RAB11FIP2: variants seen among roughly 807,000 people sequenced by gnomAD.
The protein encoded by RAB11FIP2 is rab11 family-interacting protein 2.
Under a neutral mutation model 40.9 loss-of-function variants are expected in RAB11FIP2, and 16 were observed. The observed-to-expected ratio is 0.39, with a 90% CI of 0.26 to 0.59. The LOEUF is 0.59. RAB11FIP2 is among the 20% of genes least tolerant of loss of function. RAB11FIP2 has a pLI of 0.53. For synonymous variants in RAB11FIP2, 228 were observed against 213.7 expected (o/e 1.07, Z -0.58); for missense variants, 532 against 606.2 (o/e 0.88, Z 1.28).
At chr10:118,026,320 T>C (rs944678379) in intron 3 of RAB11FIP2, among the ~76,000 whole-genome samples, 2 of 152,192 alleles carry the variant, frequency 1.3e-5, no homozygotes, top group African/African-American at 4.8e-5. Flanking sequence ...TGAAGAATAT[T>C]TATTTTTTAA....
intron 3 of RAB11FIP2, among the ~76,000 whole-genome samples, chr10:118,024,753 C>T (rs572146555): frequency 1.2e-4 from 18 of 152,182 alleles, no homozygotes; most frequent in African/African-American, 2.2e-4. Context: ...AAAAGACAGA[C>T]GGCCCACAAC....
chr10:118,018,345 C>T (rs911843826), intron 3 of RAB11FIP2: 1 of 152,242 alleles, frequency 6.6e-6, no homozygotes, highest in African/African-American at 2.4e-5. Flanking sequence ...GGACTGCCGT[C>T]CTCATGTCAG....
chr10:118,024,560 G>A (rs553762607), intron 3 of RAB11FIP2, among the ~76,000 whole-genome samples: 20 of 150,864 alleles, frequency 1.3e-4, no homozygotes, highest in African/African-American at 4.9e-4. Context: ...CAGGAGTGAT[G>A]ACAGCAAGGC....
In RAB11FIP2 at chr10:118,022,834, T is replaced by C. The variant is rs572626092; in HGVS notation, c.1266-7724A>G. On this transcript the variant is annotated intron_variant, in intron 3 of 4. Transcript: ENST00000355624. ...GCTGAATACATTAATAACCAGTACT[T>C]AATAAAAATGTGTAAAAACCGGGGT... Among the ~76,000 whole-genome samples the C allele has an allele frequency of 5.3e-5, 8 of 152,250 alleles. No individual in the cohort carries two copies. In the East Asian group the frequency reaches 1.5e-3, roughly 29 times the overall value.
chr10:118,016,719 T>G (rs1241102181), intron 3 of RAB11FIP2, among the ~76,000 whole-genome samples: 1 of 152,272 alleles, frequency 6.6e-6, no homozygotes, highest in East Asian at 1.9e-4. Context: ...ACAAGGTGCT[T>G]GCAAGCAGAG....
chr10:118,044,202 T>C (rs1846597851), intron 1 of RAB11FIP2, among the ~76,000 whole-genome samples: 1 of 152,224 alleles, frequency 6.6e-6, no homozygotes, highest in Non-Finnish European at 1.5e-5. Context: ...TATTTCATCC[T>C]CAGACTCCTT....
intron 3 of RAB11FIP2, among the ~76,000 whole-genome samples, chr10:118,020,131 T>C (rs755229904): frequency 6.6e-6 from 1 of 152,088 alleles, no homozygotes; most frequent in Non-Finnish European, 1.5e-5. Flanking sequence ...ACAGAGATGG[T>C]AAGGTGCAAG....
intron 4 of RAB11FIP2, 29 bp downstream of exon 4, chr10:118,015,036 A>G: frequency 1.3e-6 from 2 of 1,569,758 alleles, no homozygotes; most frequent in East Asian, 2.3e-5. Context: ...TTACTCTTTG[A>G]CAACCCTCTA....
At chr10:118,045,200 T>C (rs1846611863) in intron 1 of RAB11FIP2, 1 of 152,332 alleles carries the variant, frequency 6.6e-6, no homozygotes, top group Non-Finnish European at 1.5e-5. Context: ...TAATTGCAAA[T>C]TCAAAGGAAA....
In RAB11FIP2 at chr10:118,046,263, C is replaced by A. The variant is rs181171878; in HGVS notation, c.-100G>T. 1 of 1,053,038 alleles carries A rather than the reference C, an allele frequency of 9.5e-7. No homozygotes were observed. Among genetic ancestry groups the A allele is most frequent in the African/African-American group, 1.6e-5 (1 of 62,910 alleles). The allele number at this position is 1,053,038 out of a possible 1,614,324, so 65.2% of individuals were successfully genotyped here. On this transcript the variant is annotated 5_prime_UTR_variant, in exon 1 of 5. Coordinates refer to ENST00000355624, the MANE Select transcript of RAB11FIP2 (RefSeq NM_014904.3). ...ATCACTGCATCCTAAGGACACTTAA[C>A]GGAAACAGGCAGGCTCAGGGCTCCC...
At chr10:118,031,400 A>C (rs1363237410) in intron 3 of RAB11FIP2, among the ~76,000 whole-genome samples, 2 of 152,196 alleles carry the variant, frequency 1.3e-5, no homozygotes, top group Non-Finnish European at 2.9e-5. Context: ...AACATGTTAC[A>C]CAATTTCATA....
At chr10:118,010,108 G>C (rs1262735944) in intron 4 of RAB11FIP2, among the ~76,000 whole-genome samples, 2 of 152,058 alleles carry the variant, frequency 1.3e-5, no homozygotes, top group Non-Finnish European at 2.9e-5. Flanking sequence ...AAAAGTGAAA[G>C]AAAAATATTT....
chr10:118,024,312 T>C (rs1008472559), intron 3 of RAB11FIP2, among the ~76,000 whole-genome samples: 5 of 152,236 alleles, frequency 3.3e-5, no homozygotes, highest in East Asian at 1.9e-4. Context: ...AATTTTTGCA[T>C]TTTACTAATA....
chr10:118,043,414 G>T (rs1033731810), intron 1 of RAB11FIP2: 2 of 151,908 alleles, frequency 1.3e-5, no homozygotes, highest in African/African-American at 4.8e-5. Context: ...ACTAAACATT[G>T]TATTATTTCT....
chr10:118,038,923 A>C, intron 3 of RAB11FIP2, 49 bp downstream of exon 3: 1 of 1,239,412 alleles, frequency 8.1e-7, no homozygotes, highest in Non-Finnish European at 1.1e-6. Flanking sequence ...TGATACCTTC[A>C]AGTACAAGAT....
At chr10:118,029,231 C>A (rs939969858) in intron 3 of RAB11FIP2, among the ~76,000 whole-genome samples, 1 of 152,014 alleles carries the variant, frequency 6.6e-6, no homozygotes, top group African/African-American at 2.4e-5. Context: ...CCAATACCCC[C>A]CTACCCAAAA....
At chr10:118,013,822 T>C (rs551942463) in intron 4 of RAB11FIP2, among the ~76,000 whole-genome samples, 10 of 152,214 alleles carry the variant, frequency 6.6e-5, no homozygotes, top group Middle Eastern at 3.4e-3. Context: ...AATTACAAGA[T>C]TTGGAAAAGT....
intron 3 of RAB11FIP2, 195 bp downstream of exon 3, chr10:118,038,777 C>T: frequency 2.0e-6 from 1 of 503,990 alleles, no homozygotes; most frequent in Non-Finnish European, 3.4e-6. Context: ...AGTCTTTTAT[C>T]TTCTTAAGAT....
chr10:118,009,724 A>G (rs1420463366), intron 4 of RAB11FIP2, among the ~76,000 whole-genome samples: 4 of 152,108 alleles, frequency 2.6e-5, no homozygotes, highest in Non-Finnish European at 5.9e-5. Context: ...ATTTGCTATG[A>G]AAATGGAAGC....
Sources: gnomAD v4.1 joint callset for allele counts (sites outside exome capture counted in the v4.1 genomes callset) on GRCh38, gnomAD v4.1.1 for gene constraint, MANE v1.5 for transcripts, NCBI Gene and HGNC (gene_info 2026-07-23, HGNC 2026-07-21) for gene names.